PRKACB: variants seen among roughly 807,000 people sequenced by gnomAD.
PRKACB encodes cAMP-dependent protein kinase catalytic subunit beta.
In PRKACB, 16 loss-of-function variants were observed where a neutral mutation model predicts 51.4. The observed-to-expected ratio is 0.31, with a 90% confidence interval of 0.21 to 0.47. The LOEUF (loss-of-function observed/expected upper bound fraction) is 0.47. Among genes scored for constraint, PRKACB ranks in the 20% least tolerant of loss-of-function variants. The probability of loss-of-function intolerance (pLI) is 1.00; values close to 1 mark genes in which losing one functional copy is unlikely to be tolerated. For missense variants in PRKACB, 309 were observed against 464.5 expected (o/e 0.67, Z 3.08); for synonymous variants, 147 against 154.4 (o/e 0.95, Z 0.35).
intron 1 of PRKACB, among the ~76,000 whole-genome samples, chr1:84,095,349 C>T (rs191509258): frequency 2.0e-5 from 3 of 149,530 alleles, no homozygotes; most frequent in African/African-American, 7.4e-5. Context: ...TGAATTATGT[C>T]AGTTTTTATT....
chr1:84,174,004 C>G (rs1237587138), intron 1 of PRKACB, among the ~76,000 whole-genome samples: 1 of 151,776 alleles, frequency 6.6e-6, no homozygotes, highest in Non-Finnish European at 1.5e-5. Context: ...ATTCCCCTCT[C>G]CCTTAGCAAA....
At chr1:84,182,142 A>G (rs1023061545) in intron 2 of PRKACB, 58 bp from the exon 3 acceptor site, 6 of 1,219,200 alleles carry the variant, frequency 4.9e-6, no homozygotes, top group Admixed American at 5.3e-5. Context: ...TAAAGCATTT[A>G]TAATTCCCAT....
Position 84,236,618 on chromosome 1 carries a change from A to G in PRKACB, c.*1313A>G, listed in dbSNP as rs145166827. On this transcript the variant is annotated 3_prime_UTR_variant, in exon 10 of 10. Transcript: ENST00000370685. ...ATGTCTGATCGATCATGCAGATACA[A>G]TGTTGGTATTTGAGAGGTTAGTTTT... 882 of 152,738 alleles carry G rather than the reference A, an allele frequency of 5.8e-3. 3 individuals are homozygous for G. Among genetic ancestry groups the G allele is most frequent in the Non-Finnish European group, 6.9e-3 (471 of 68,010 alleles). The allele number at this position is 152,738 out of a possible 1,614,324, so 9.5% of individuals were successfully genotyped here.
chr1:84,117,832 G>T (rs940683013), intron 1 of PRKACB, among the ~76,000 whole-genome samples: 3 of 152,042 alleles, frequency 2.0e-5, no homozygotes, highest in Non-Finnish European at 2.9e-5. Flanking sequence ...CTAATTTGGA[G>T]TTTAATTTGT....
intron 9 of PRKACB, among the ~76,000 whole-genome samples, chr1:84,228,482 G>C (rs936552841): frequency 6.6e-6 from 1 of 151,230 alleles, no homozygotes; most frequent in Non-Finnish European, 1.5e-5. Flanking sequence ...AACTGTAATT[G>C]TTTGTAAATT....
intron 8 of PRKACB, among the ~76,000 whole-genome samples, chr1:84,208,071 T>C (rs1172113807): frequency 1.3e-5 from 2 of 152,166 alleles, no homozygotes; most frequent in African/African-American, 2.4e-5. Flanking sequence ...TTTCACCATG[T>C]TGGCCAGGCT....
At chr1:84,200,919 A>G (rs1572386142) in intron 7 of PRKACB, among the ~76,000 whole-genome samples, 1 of 152,200 alleles carries the variant, frequency 6.6e-6, no homozygotes. Flanking sequence ...GCTTGTTTGT[A>G]AATGTACCAT....
intron 1 of PRKACB, among the ~76,000 whole-genome samples, chr1:84,092,488 T>C (rs565962810): frequency 6.6e-6 from 1 of 152,336 alleles, no homozygotes; most frequent in South Asian, 2.1e-4. Context: ...ACATGATTTT[T>C]GGTAAATATA....
rs373421316 is a variant in PRKACB, at chr1:84,097,625, G to A, written c.46+19254G>A. On this transcript the variant is annotated intron_variant, in intron 1 of 8. Transcript: ENST00000370688. ...CTGATAAGTCATATAATCAAGTTGG[G>A]GAACCAGGAAACCTGGTGCTGTAAC... 8.6e-5 allele frequency among the ~76,000 whole-genome samples: 13 copies of A among 151,996 alleles called. No individual in the cohort carries two copies. In the East Asian group the frequency reaches 2.5e-3, roughly 29 times the overall value.
intron 1 of PRKACB, chr1:84,175,887 A>G (rs1368841477): frequency 1.8e-6 from 2 of 1,135,096 alleles, no homozygotes; most frequent in East Asian, 5.8e-5. Flanking sequence ...TTGAAAATGT[A>G]TACTTTTGGG....
chr1:84,109,037 G>A (rs1650005385), intron 1 of PRKACB, among the ~76,000 whole-genome samples: 1 of 151,884 alleles, frequency 6.6e-6, no homozygotes, highest in Non-Finnish European at 1.5e-5. Flanking sequence ...CTTTTTGCCT[G>A]ACAATTTGTT....
chr1:84,234,581 G>T (rs1676404920), intron 9 of PRKACB, among the ~76,000 whole-genome samples: 1 of 152,236 alleles, frequency 6.6e-6, no homozygotes, highest in South Asian at 2.1e-4. Context: ...GTGGGCGTAG[G>T]TCCCTCCAAG....
intron 1 of PRKACB, among the ~76,000 whole-genome samples, chr1:84,109,983 C>G (rs563169111): frequency 1.1e-4 from 17 of 151,688 alleles, no homozygotes; most frequent in Non-Finnish European, 2.1e-4. Flanking sequence ...CCTTTGGTAT[C>G]ATGCTTTAAA....
At chr1:84,199,017 G>T (rs556756157) in intron 7 of PRKACB, among the ~76,000 whole-genome samples, 5 of 142,760 alleles carry the variant, frequency 3.5e-5, no homozygotes, top group Admixed American at 1.4e-4. Context: ...ACATATATGC[G>T]TATATATACA....
At chr1:84,095,381 T>A (rs1323232693) in intron 1 of PRKACB, among the ~76,000 whole-genome samples, 1 of 152,022 alleles carries the variant, frequency 6.6e-6, no homozygotes, top group African/African-American at 2.4e-5. Context: ...GTGTATTTTT[T>A]ACCTTCACTT....
intron 1 of PRKACB, among the ~76,000 whole-genome samples, chr1:84,131,200 A>T (rs945256579): frequency 2.0e-5 from 3 of 152,148 alleles, no homozygotes; most frequent in African/African-American, 7.2e-5. Context: ...TCTACTAAAA[A>T]TACAAAATTA....
At chr1:84,159,638 T>C (rs1266647169) in intron 1 of PRKACB, among the ~76,000 whole-genome samples, 1 of 152,130 alleles carries the variant, frequency 6.6e-6, no homozygotes. Flanking sequence ...CAAAGATGCA[T>C]AGAAGTGGTG....
intron 8 of PRKACB, chr1:84,204,438 C>A: frequency 7.0e-7 from 1 of 1,425,076 alleles, no homozygotes; most frequent in South Asian, 1.2e-5. Context: ...TTGTAGATCT[C>A]TGGCTTCAGA....
intron 1 of PRKACB, among the ~76,000 whole-genome samples, chr1:84,114,301 T>G (rs889272360): frequency 1.3e-5 from 2 of 152,066 alleles, no homozygotes; most frequent in African/African-American, 4.8e-5. Flanking sequence ...ATTAGAAAAG[T>G]AAAGCTGTAT....
Sources: gnomAD v4.1 joint callset for allele counts (sites outside exome capture counted in the v4.1 genomes callset) on GRCh38, gnomAD v4.1.1 for gene constraint, MANE v1.5 for transcripts, NCBI Gene and HGNC (gene_info 2026-07-23, HGNC 2026-07-21) for gene names.